SNTG1: variants seen among roughly 807,000 people sequenced by gnomAD.
SNTG1 encodes gamma-1-syntrophin.
Under a neutral mutation model 74.7 loss-of-function variants are expected in SNTG1, and 39 were observed. The observed-to-expected ratio is 0.52, with a 90% CI of 0.40 to 0.68. SNTG1 has a LOEUF of 0.68. Ranked by LOEUF, SNTG1 falls within the 30% of genes least tolerant of loss-of-function variation. The pLI is 0.00. For synonymous variants in SNTG1, 254 were observed against 217.1 expected, an observed-to-expected ratio of 1.17 and a Z score of -1.49; for missense variants, 685 against 609.5, an observed-to-expected ratio of 1.12 and a Z score of -1.30.
chr8:50,246,686 G>A (rs1308099691), intron 2 of SNTG1, among the ~76,000 whole-genome samples: 2 of 152,010 alleles, frequency 1.3e-5, no homozygotes. Flanking sequence ...GCTTTCTTGG[G>A]TATTTTTCTT....
intron 1 of SNTG1, among the ~76,000 whole-genome samples, chr8:50,093,094 A>G (rs560702588): frequency 1.3e-5 from 2 of 152,178 alleles, no homozygotes; most frequent in Admixed American, 6.6e-5. Context: ...CATATACCCA[A>G]TGATGAGATT....
chr8:50,512,703 C>T (rs916328162), intron 9 of SNTG1, among the ~76,000 whole-genome samples: 1 of 152,128 alleles, frequency 6.6e-6, no homozygotes, highest in Non-Finnish European at 1.5e-5. Context: ...TCCAGTTGAT[C>T]GAATTGGCTA....
intron 1 of SNTG1, among the ~76,000 whole-genome samples, chr8:49,980,310 T>C (rs1812555729): frequency 6.6e-6 from 1 of 151,948 alleles, no homozygotes; most frequent in Non-Finnish European, 1.5e-5. Flanking sequence ...CAGTAGCCAT[T>C]CTCCTCTCTG....
At chr8:50,670,479 T>C (rs1428602544) in intron 15 of SNTG1, among the ~76,000 whole-genome samples, 2 of 151,160 alleles carry the variant, frequency 1.3e-5, no homozygotes, top group Non-Finnish European at 2.9e-5. Context: ...GGAATCCAAC[T>C]TACAAGGGAT....
intron 1 of SNTG1, among the ~76,000 whole-genome samples, chr8:50,111,842 G>A (rs1482444548): frequency 6.6e-6 from 1 of 151,830 alleles, no homozygotes; most frequent in Non-Finnish European, 1.5e-5. Flanking sequence ...GGAAAAGAAA[G>A]TATCAGAAGA....
intron 18 of SNTG1, among the ~76,000 whole-genome samples, chr8:50,757,470 C>G (rs1159566278): frequency 6.6e-6 from 1 of 151,756 alleles, no homozygotes; most frequent in Non-Finnish European, 1.5e-5. Context: ...AAGTCTGTGC[C>G]ACCTGGAATC....
chr8:50,419,661 C>A (rs2093056980), intron 4 of SNTG1, among the ~76,000 whole-genome samples: 1 of 151,998 alleles, frequency 6.6e-6, no homozygotes, highest in Non-Finnish European at 1.5e-5. Context: ...CACCTATCAC[C>A]AGCAGAAACA....
chr8:50,712,134 AG>A (rs747451827), intron 17 of SNTG1, among the ~76,000 whole-genome samples: 3 of 152,208 alleles, frequency 2.0e-5, no homozygotes, highest in Non-Finnish European at 2.9e-5. Flanking sequence ...GTCTCTTGAG[AG>A]ACATGGGAGG....
In SNTG1 at chr8:50,386,413, A is replaced by C. The variant is rs777237717; in HGVS notation, c.-27-7799A>C. Among the ~76,000 whole-genome samples the C allele has an allele frequency of 1.5e-4, 22 of 145,822 alleles. 1 individual carries two copies. Among genetic ancestry groups the C allele is most frequent in the Middle Eastern group, 6.9e-3 (2 of 290 alleles). On this transcript the variant is annotated intron_variant, in intron 2 of 18. Transcript: ENST00000642720. ...AGTTCACATTTATTTGCCCTGGTAAAAGATTCTGCAATTCTTTGGGGGAGG... is the reference window on the plus strand; with the variant it reads ...AGTTCACATTTATTTGCCCTGGTAACAGATTCTGCAATTCTTTGGGGGAGG...
intron 1 of SNTG1, among the ~76,000 whole-genome samples, chr8:49,963,736 G>GCAAT (rs1810900164): frequency 6.6e-6 from 1 of 152,156 alleles, no homozygotes; most frequent in Non-Finnish European, 1.5e-5. Flanking sequence ...AATGCATGTA[G>GCAAT]CAATGCTATG....
At chr8:50,709,062 G>A (rs1369022153) in intron 17 of SNTG1, 84 bp downstream of exon 17, 1 of 935,740 alleles carries the variant, frequency 1.1e-6, no homozygotes, top group Non-Finnish European at 1.7e-6. Flanking sequence ...ACTCCTTTCA[G>A]CATTTTAATT....
chr8:50,569,287 C>T (rs2094533422), intron 12 of SNTG1, among the ~76,000 whole-genome samples: 1 of 152,070 alleles, frequency 6.6e-6, no homozygotes. Flanking sequence ...GGGATGAACA[C>T]AGCCCTTCAG....
chr8:50,463,107 G>A (rs554165396), intron 8 of SNTG1, among the ~76,000 whole-genome samples: 70 of 152,214 alleles, frequency 4.6e-4, no homozygotes, highest in Non-Finnish European at 7.8e-4. Flanking sequence ...AAGCCACCAC[G>A]TCCAGCCCAG....
At chr8:50,729,785 T>C (rs929828719) in intron 17 of SNTG1, among the ~76,000 whole-genome samples, 2 of 152,294 alleles carry the variant, frequency 1.3e-5, no homozygotes, top group East Asian at 3.9e-4. Flanking sequence ...GGGCTAGTCA[T>C]ACTTAAGGGG....
At chr8:50,600,728 T>G (rs2392702) in intron 13 of SNTG1, among the ~76,000 whole-genome samples, 5 of 151,964 alleles carry the variant, frequency 3.3e-5, no homozygotes, top group African/African-American at 1.2e-4. Context: ...TTTATCTGTT[T>G]AAAAAACAAC....
chr8:50,009,445 A>C (rs1405825292), intron 1 of SNTG1, among the ~76,000 whole-genome samples: 1 of 152,040 alleles, frequency 6.6e-6, no homozygotes, highest in Non-Finnish European at 1.5e-5. Flanking sequence ...CTTTCGTGTA[A>C]ATGTATCCTA....
chr8:50,417,704 C>G (rs1017864386), intron 4 of SNTG1, among the ~76,000 whole-genome samples: 2 of 152,154 alleles, frequency 1.3e-5, no homozygotes, highest in South Asian at 2.1e-4. Context: ...CTCTCCCATT[C>G]TCACTCCAAG....
chr8:50,599,291 A>G (rs1038772642), intron 13 of SNTG1, among the ~76,000 whole-genome samples: 1 of 152,024 alleles, frequency 6.6e-6, no homozygotes, highest in African/African-American at 2.4e-5. Flanking sequence ...GAAATGAAGT[A>G]ATGTGATTCC....
chr8:50,456,311 T>C (rs1300648764), intron 8 of SNTG1, among the ~76,000 whole-genome samples: 1 of 152,142 alleles, frequency 6.6e-6, no homozygotes, highest in Non-Finnish European at 1.5e-5. Flanking sequence ...AGACCCAATT[T>C]TGCAAAGCTC....
Sources: gnomAD v4.1 joint callset for allele counts (sites outside exome capture counted in the v4.1 genomes callset) on GRCh38, gnomAD v4.1.1 for gene constraint, MANE v1.5 for transcripts, NCBI Gene and HGNC (gene_info 2026-07-23, HGNC 2026-07-21) for gene names.